CLMN: variants seen among roughly 807,000 people sequenced by gnomAD.
CLMN encodes the protein calmin (calponin-like, transmembrane).
A neutral mutation model predicts 92.7 loss-of-function variants in CLMN; 57 were observed. The observed-to-expected ratio is 0.61, with a 90% CI of 0.50 to 0.77. The LOEUF (loss-of-function observed/expected upper bound fraction) is 0.77. Among genes scored for constraint, CLMN ranks in the 30% least tolerant of loss-of-function variants. The probability of loss-of-function intolerance (pLI) is 0.00; values close to 1 mark genes in which losing one functional copy is unlikely to be tolerated. For synonymous variants in CLMN, 466 were observed against 470.6 expected, an observed-to-expected ratio of 0.99 and a Z score of 0.13; for missense variants, 1,158 against 1,237.5, an observed-to-expected ratio of 0.94 and a Z score of 0.96.
chr14:95,300,581 G>A (rs1197824460), intron 1 of CLMN, among the ~76,000 whole-genome samples: 3 of 152,202 alleles, frequency 2.0e-5, no homozygotes, highest in Non-Finnish European at 4.4e-5. Context: ...CATGAGCCAC[G>A]CTGCTGCCTA....
rs1484417251 is a variant in CLMN at position 95,190,110 on chromosome 14, T to C, written c.*1454A>G. 3 of 152,230 alleles carry C rather than the reference T, an allele frequency of 2.0e-5. No individual in the cohort carries two copies. Among genetic ancestry groups the C allele is most frequent in the Admixed American group, 6.5e-5 (1 of 15,282 alleles). 9.4% of individuals were successfully genotyped at this position (152,230 alleles called of 1,614,324 possible). On this transcript the variant is annotated 3_prime_UTR_variant, in exon 13 of 13. Transcript: ENST00000298912. ...AAGGAATTGGGGATGAGCTTGAAGG[T>C]GAGTAAGAATTCCTCATGGGAAAAA...
chr14:95,245,217 TATATATA>T lies in CLMN; in HGVS notation c.83-15091_83-15085del, dbSNP rs1898460754. 6.1e-5 allele frequency among the ~76,000 whole-genome samples: 2 copies of T among 32,598 alleles called. 1 individual carries two copies. The highest frequency in any genetic ancestry group is 2.1e-3 in the East Asian group (2 of 932). The allele number at this position is 32,598 out of a possible 152,430, so 21.4% of individuals were successfully genotyped here. A position where few individuals can be genotyped will look rare whatever the true frequency, so the allele number is the denominator to read the frequency against. On this transcript the variant is annotated intron_variant, in intron 1 of 12. Transcript: ENST00000298912. ...ATAATATATATATATATTATATATA[TATATATA>T]TTATATATATATATTATATATATAT...
At chr14:95,217,999 C>T (rs974088960) in intron 4 of CLMN, among the ~76,000 whole-genome samples, 3 of 152,230 alleles carry the variant, frequency 2.0e-5, no homozygotes, top group South Asian at 2.1e-4. Flanking sequence ...TGCCCAGCTA[C>T]CATTTTGTTT....
intron 1 of CLMN, among the ~76,000 whole-genome samples, chr14:95,253,599 GTGTTTTTT>G (rs1328003219): frequency 2.7e-5 from 4 of 148,322 alleles, no homozygotes; most frequent in South Asian, 4.2e-4. Flanking sequence ...CATTAACACA[GTGTTTTTT>G]TGTTTTTTTG....
In CLMN at chr14:95,194,283, G is replaced by A. The variant is rs988605942; in HGVS notation, c.2769+253C>T. ...GGTGCGCGCGGGGTCCAGGTGAGGCGTTTTGGGTGCGTTTTTATAGCAAGG... is the reference window on the plus strand; with the variant it reads ...GGTGCGCGCGGGGTCCAGGTGAGGCATTTTGGGTGCGTTTTTATAGCAAGG... On this transcript the variant is annotated intron_variant, in intron 11 of 12. Transcript: ENST00000298912. The surrounding 1 kb of genome is among the most constrained non-coding windows in gnomAD (Gnocchi z 4.0). The A allele has an allele frequency of 1.2e-5, 17 of 1,408,170 alleles. No individual in the cohort carries two copies. The highest frequency in any genetic ancestry group is 1.4e-5 in the African/African-American group (1 of 69,116). 87.2% of individuals were successfully genotyped at this position (1,408,170 alleles called of 1,614,324 possible). A position where few individuals can be genotyped will look rare whatever the true frequency, so the allele number is the denominator to read the frequency against.
At chr14:95,251,941 T>G (rs1208219265) in intron 1 of CLMN, among the ~76,000 whole-genome samples, 1 of 152,182 alleles carries the variant, frequency 6.6e-6, no homozygotes, top group Admixed American at 6.5e-5. Context: ...AGATGAGTTT[T>G]CTGCACTCAG....
At chr14:95,232,304 C>T (rs1034637388) in intron 1 of CLMN, among the ~76,000 whole-genome samples, 1 of 152,236 alleles carries the variant, frequency 6.6e-6, no homozygotes, top group Non-Finnish European at 1.5e-5. Flanking sequence ...TGGATTTCAA[C>T]ATATTGAAAG....
At chr14:95,318,189 G>A (rs1268276351) in intron 1 of CLMN, among the ~76,000 whole-genome samples, 1 of 152,168 alleles carries the variant, frequency 6.6e-6, no homozygotes, top group African/African-American at 2.4e-5. Flanking sequence ...GGTTGCCTAA[G>A]ACAGACAGGT....
At chr14:95,229,988 A>G (rs1267181935) in intron 2 of CLMN, 84 bp downstream of exon 2, 3 of 1,299,984 alleles carry the variant, frequency 2.3e-6, no homozygotes. Flanking sequence ...AGCACAGGTC[A>G]CCAGCTCCCC....
At chr14:95,285,360 T>C (rs1375232128) in intron 1 of CLMN, among the ~76,000 whole-genome samples, 6 of 152,132 alleles carry the variant, frequency 3.9e-5, no homozygotes, top group African/African-American at 1.4e-4. Flanking sequence ...CCCCAACTAG[T>C]ACCTGGAAAT....
At chr14:95,270,258 C>A (rs1899655375) in intron 1 of CLMN, among the ~76,000 whole-genome samples, 1 of 152,132 alleles carries the variant, frequency 6.6e-6, no homozygotes, top group South Asian at 2.1e-4. Context: ...ACTTATTTCC[C>A]AAGCCAAGTG....
chr14:95,218,749 T>A (rs539224821), intron 4 of CLMN, among the ~76,000 whole-genome samples: 2 of 152,330 alleles, frequency 1.3e-5, no homozygotes, highest in East Asian at 3.9e-4. Flanking sequence ...TGGGGCCCAG[T>A]GGGGCACCAA....
Position 95,189,622 on chromosome 14 carries a change from A to T in CLMN, c.*1942T>A, listed in dbSNP as rs1896517003. ...AGGTCTAGACCCATAAAATGAAATG[A>T]TTCACATTTGGGTTGGCTCTTCCCA... On this transcript the variant is annotated 3_prime_UTR_variant, in exon 13 of 13. Transcript: ENST00000298912. The T allele has an allele frequency of 6.6e-6, 1 of 152,270 alleles. No homozygotes were observed. The highest frequency in any genetic ancestry group is 1.5e-5 in the Non-Finnish European group (1 of 68,044). 9.4% of individuals were successfully genotyped at this position (152,270 alleles called of 1,614,324 possible).
At chr14:95,244,132 C>G (rs1192426548) in intron 1 of CLMN, among the ~76,000 whole-genome samples, 2 of 152,172 alleles carry the variant, frequency 1.3e-5, no homozygotes, top group Non-Finnish European at 2.9e-5. Flanking sequence ...GCTTCCTATA[C>G]AGCCTGCAGA....
At chr14:95,240,343 G>T (rs751907128) in intron 1 of CLMN, among the ~76,000 whole-genome samples, 1 of 152,160 alleles carries the variant, frequency 6.6e-6, no homozygotes, top group South Asian at 2.1e-4. Context: ...AGGGAATGGT[G>T]TGGCATGACC....
At position 95,225,411 on chromosome 14, in the gene CLMN, C is replaced by T. The variant is rs190407032; in HGVS notation, c.145-1556G>A. Among the ~76,000 whole-genome samples the T allele has an allele frequency of 4.8e-3, 731 of 152,338 alleles. 6 individuals are homozygous for T. The highest frequency in any genetic ancestry group is 0.014 in the South Asian group (69 of 4,826). On this transcript the variant is annotated intron_variant, in intron 2 of 12. Transcript: ENST00000298912. ...AATGTCAGGTGAGGAATCTGACCCT[C>T]GTCAGAGGACTGGGCTGGAATGCAA... is the stretch of plus-strand genomic sequence containing the variant.
chr14:95,293,031 T>G (rs1460881015), intron 1 of CLMN, among the ~76,000 whole-genome samples: 2 of 152,172 alleles, frequency 1.3e-5, no homozygotes, highest in Non-Finnish European at 2.9e-5. Flanking sequence ...AGGAATGTAT[T>G]TGGGAGATGG....
intron 1 of CLMN, among the ~76,000 whole-genome samples, chr14:95,282,106 T>C (rs1356205503): frequency 6.6e-6 from 1 of 152,102 alleles, no homozygotes; most frequent in African/African-American, 2.4e-5. Context: ...GAAGGATGAG[T>C]AGGAATTCAT....
chr14:95,246,133 A>G (rs893026082), intron 1 of CLMN, among the ~76,000 whole-genome samples: 2 of 152,210 alleles, frequency 1.3e-5, no homozygotes, highest in African/African-American at 4.8e-5. Context: ...ACAACTCACA[A>G]GAAACATGCT....
Sources: gnomAD v4.1 joint callset for allele counts (sites outside exome capture counted in the v4.1 genomes callset) on GRCh38, gnomAD v4.1.1 for gene constraint, Gnocchi (gnomAD v3.1) non-coding constraint, MANE v1.5 for transcripts, NCBI Gene and HGNC (gene_info 2026-07-23, HGNC 2026-07-21) for gene names.